VPS13B: variants seen among roughly 807,000 people sequenced by gnomAD.
VPS13B encodes the protein intermembrane lipid transfer protein VPS13B.
A neutral mutation model predicts 426.4 loss-of-function variants in VPS13B; 285 were observed. The observed-to-expected ratio is 0.67, with a 90% CI of 0.61 to 0.74. The LOEUF is 0.74. Among genes scored for constraint, VPS13B ranks in the 30% least tolerant of loss-of-function variants. VPS13B has a pLI of 0.00. For synonymous variants in VPS13B, 1,676 were observed against 1,676.4 expected (o/e 1.00, Z 0.01); for missense variants, 4,537 against 4,782.6 (o/e 0.95, Z 1.51).
chr8:99,753,548 T>G (rs1810499119), intron 39 of VPS13B, among the ~76,000 whole-genome samples: 1 of 152,230 alleles, frequency 6.6e-6, no homozygotes, highest in Non-Finnish European at 1.5e-5. Flanking sequence ...TCAGAAGTTC[T>G]GAGTATATTT....
At chr8:99,757,416 C>T (rs1011110859) in intron 39 of VPS13B, among the ~76,000 whole-genome samples, 6 of 151,984 alleles carry the variant, frequency 3.9e-5, no homozygotes, top group Non-Finnish European at 8.8e-5. Flanking sequence ...CTCTACCTAC[C>T]AACTCTTTAT....
chr8:99,292,883 C>T (rs548112247), intron 19 of VPS13B, among the ~76,000 whole-genome samples: 2 of 152,228 alleles, frequency 1.3e-5, no homozygotes, highest in South Asian at 4.1e-4. Flanking sequence ...CACAATGCAA[C>T]TAATTATTTG....
intron 36 of VPS13B, among the ~76,000 whole-genome samples, chr8:99,716,844 A>G (rs1242191323): frequency 6.6e-6 from 1 of 152,218 alleles, no homozygotes; most frequent in Non-Finnish European, 1.5e-5. Flanking sequence ...TAGACAAATG[A>G]AGCAGCTGTT....
In VPS13B at chr8:99,642,597, A is replaced by C; in HGVS notation, c.5908+99A>C. ...GATTAAACAGAAACAGCTGGCAGACAAAAGTCTTTTCTCTACAGAATATGG... is the reference window on the plus strand; with the variant it reads ...GATTAAACAGAAACAGCTGGCAGACCAAAGTCTTTTCTCTACAGAATATGG... On this transcript the variant is annotated intron_variant, in intron 34 of 61. Coordinates refer to ENST00000357162, the MANE Select transcript of VPS13B (RefSeq NM_152564.5). 5.5e-6 allele frequency: 6 copies of C among 1,085,624 alleles called. No homozygotes were observed. The South Asian group carries it at 5.6e-5, about 10-fold the overall frequency. 67.2% of individuals were successfully genotyped at this position (1,085,624 alleles called of 1,614,324 possible). A position where few individuals can be genotyped will look rare whatever the true frequency, so the allele number is the denominator to read the frequency against.
At chr8:99,718,366 A>T (rs1171766829) in intron 37 of VPS13B, among the ~76,000 whole-genome samples, 7 of 152,184 alleles carry the variant, frequency 4.6e-5, no homozygotes, top group African/African-American at 9.6e-5. Context: ...AATATATAAG[A>T]ACAATTTCCT....
intron 4 of VPS13B, among the ~76,000 whole-genome samples, chr8:99,097,599 A>G (rs1846497372): frequency 6.6e-6 from 1 of 152,152 alleles, no homozygotes; most frequent in South Asian, 2.1e-4. Flanking sequence ...GCTTCTGAAC[A>G]CACACATGAA....
At chr8:99,857,433 A>C (rs948123318) in intron 56 of VPS13B, among the ~76,000 whole-genome samples, 4 of 152,228 alleles carry the variant, frequency 2.6e-5, no homozygotes, top group African/African-American at 9.6e-5. Context: ...ACAGCCATTC[A>C]GGGCTAAAGG....
At chr8:99,332,904 A>G (rs1053853708) in intron 19 of VPS13B, among the ~76,000 whole-genome samples, 5 of 151,680 alleles carry the variant, frequency 3.3e-5, no homozygotes, top group African/African-American at 7.3e-5. Context: ...GTGGTCAAAT[A>G]TAATAGTGTT....
At chr8:99,393,563 A>G (rs1814563678) in intron 21 of VPS13B, among the ~76,000 whole-genome samples, 1 of 152,134 alleles carries the variant, frequency 6.6e-6, no homozygotes, top group Non-Finnish European at 1.5e-5. Flanking sequence ...TCCTATAGAT[A>G]TTCTTCTTAT....
At chr8:99,020,723 G>A in intron 2 of VPS13B, among the ~76,000 whole-genome samples, 1 of 151,980 alleles carries the variant, frequency 6.6e-6, no homozygotes, top group East Asian at 1.9e-4. Flanking sequence ...AATGGTCTTG[G>A]TTCCTTTGTC....
intron 30 of VPS13B, among the ~76,000 whole-genome samples, chr8:99,555,959 T>G (rs1043739867): frequency 1.3e-5 from 2 of 152,084 alleles, no homozygotes; most frequent in African/African-American, 4.8e-5. Flanking sequence ...TAACAAGAAA[T>G]CAAAGCTCAG....
At chr8:99,609,138 T>C (rs553689623) in intron 33 of VPS13B, among the ~76,000 whole-genome samples, 1 of 152,332 alleles carries the variant, frequency 6.6e-6, no homozygotes, top group South Asian at 2.1e-4. Context: ...TCTTATTCTG[T>C]TATGTTATAG....
intron 7 of VPS13B, among the ~76,000 whole-genome samples, chr8:99,116,286 C>T (rs1467065444): frequency 2.6e-5 from 4 of 151,914 alleles, no homozygotes; most frequent in Non-Finnish European, 4.4e-5. Flanking sequence ...CCCGCCTCAG[C>T]CTCCCAAAGT....
chr8:99,538,432 C>T (rs755817275), intron 30 of VPS13B, among the ~76,000 whole-genome samples: 24 of 151,848 alleles, frequency 1.6e-4, no homozygotes, highest in Admixed American at 1.2e-3. Flanking sequence ...ATCATTTGTT[C>T]ACCCATTAGT....
At chr8:99,515,160 GA>G (rs931408967) in intron 29 of VPS13B, among the ~76,000 whole-genome samples, 42 of 151,656 alleles carry the variant, frequency 2.8e-4, no homozygotes, top group African/African-American at 9.7e-4. Flanking sequence ...GAAAGAAGAG[GA>G]AAAAAAAGAA....
intron 16 of VPS13B, among the ~76,000 whole-genome samples, chr8:99,181,410 A>G (rs1452849289): frequency 6.6e-6 from 1 of 152,176 alleles, no homozygotes; most frequent in Non-Finnish European, 1.5e-5. Flanking sequence ...TTTATGTATT[A>G]TAGTGGTTAG....
At chr8:99,493,009 C>T (rs1825754) in intron 25 of VPS13B, among the ~76,000 whole-genome samples, 26,669 of 152,060 alleles carry the variant, frequency 0.18, 2,852 homozygotes, top group East Asian at 0.38. Flanking sequence ...GAAGCGACTT[C>T]GAAATTATTA....
chr8:99,690,314 C>A (rs184304372), intron 35 of VPS13B, among the ~76,000 whole-genome samples: 2 of 152,080 alleles, frequency 1.3e-5, no homozygotes, highest in Non-Finnish European at 2.9e-5. Flanking sequence ...CAGGAAAGAT[C>A]GTAGACTTAC....
chr8:99,083,331 T>C (rs1012753939), intron 3 of VPS13B, among the ~76,000 whole-genome samples: 22 of 152,236 alleles, frequency 1.4e-4, no homozygotes, highest in East Asian at 5.8e-4. Context: ...TTGCTGAAGT[T>C]GCCTATCAGC....
Sources: allele counts gnomAD v4.1 joint callset (sites outside exome capture counted in the v4.1 genomes callset), GRCh38; gene constraint gnomAD v4.1.1; transcripts MANE v1.5; gene names NCBI Gene and HGNC (gene_info 2026-07-23, HGNC 2026-07-21).